IPO11: variants seen among roughly 807,000 people sequenced by gnomAD.
The protein encoded by IPO11 is importin 11.
A neutral mutation model predicts 143.2 loss-of-function variants in IPO11; 66 were observed. The ratio of observed to expected loss-of-function variants is 0.46; its 90% CI spans 0.38 to 0.57. The LOEUF (loss-of-function observed/expected upper bound fraction) is 0.57. Ranked by LOEUF, IPO11 falls within the 20% of genes least tolerant of loss-of-function variation. The pLI is 0.00. For missense variants in IPO11, 1,026 were observed against 1,141.0 expected, an observed-to-expected ratio of 0.90 and a Z score of 1.45; for synonymous variants, 385 against 377.8, an observed-to-expected ratio of 1.02 and a Z score of -0.22.
intron 2 of IPO11, among the ~76,000 whole-genome samples, chr5:62,442,521 C>T (rs1420225005): frequency 2.0e-5 from 3 of 151,986 alleles, no homozygotes; most frequent in Non-Finnish European, 2.9e-5. Flanking sequence ...TCATAAATAT[C>T]GATATGATAT....
rs530741653 is a variant in IPO11, at chr5:62,563,060, G to A, written c.2582+1803G>A. Among the ~76,000 whole-genome samples the A allele has an allele frequency of 2.0e-5, 3 of 152,306 alleles. No individual in the cohort carries two copies. The East Asian group carries it at 5.8e-4, about 29-fold the overall frequency. ...CTAGGAATGCCTCTTTTAACCACCA[G>A]GTGATATTGCTCCCCAGGTGGACAT... On this transcript the variant is annotated intron_variant, in intron 27 of 29. Coordinates refer to ENST00000325324, the MANE Select transcript of IPO11 (RefSeq NM_016338.5).
chr5:62,564,578 G>T (rs1349687747), intron 27 of IPO11, among the ~76,000 whole-genome samples: 10 of 152,066 alleles, frequency 6.6e-5, no homozygotes, highest in African/African-American at 2.4e-4. Context: ...TTTGGGTCCA[G>T]ATGATAATTT....
At chr5:62,543,808 C>A (rs1743047218) in intron 24 of IPO11, among the ~76,000 whole-genome samples, 1 of 152,064 alleles carries the variant, frequency 6.6e-6, no homozygotes, top group African/African-American at 2.4e-5. Flanking sequence ...TTCCTGCTTT[C>A]TCCTGTGGGC....
At chr5:62,509,408 A>T (rs996415477) in intron 19 of IPO11, among the ~76,000 whole-genome samples, 1 of 152,178 alleles carries the variant, frequency 6.6e-6, no homozygotes, top group Non-Finnish European at 1.5e-5. Flanking sequence ...GTTTTCAGTG[A>T]TATGAATTTA....
intron 5 of IPO11, among the ~76,000 whole-genome samples, chr5:62,455,562 C>T (rs1483594367): frequency 1.3e-5 from 2 of 152,088 alleles, no homozygotes; most frequent in Non-Finnish European, 2.9e-5. Context: ...GAGCTGGTTG[C>T]TATAGCAAAG....
intron 4 of IPO11, among the ~76,000 whole-genome samples, 164 bp downstream of exon 4, chr5:62,450,163 G>T (rs2112158778): frequency 6.6e-6 from 1 of 152,234 alleles, no homozygotes; most frequent in Non-Finnish European, 1.5e-5. Context: ...TTGTAGCGTT[G>T]AATAGTTTTG....
chr5:62,487,672 A>T, intron 12 of IPO11, 99 bp from the exon 13 acceptor site: 62 of 1,161,426 alleles, frequency 5.3e-5, no homozygotes, highest in Middle Eastern at 3.2e-4. Flanking sequence ...ACATTTTCAA[A>T]GTTTTAGAAT....
At chr5:62,522,286 G>A (rs1742226267) in intron 20 of IPO11, among the ~76,000 whole-genome samples, 1 of 147,696 alleles carries the variant, frequency 6.8e-6, no homozygotes, top group Non-Finnish European at 1.5e-5. Context: ...TGATTGTGGT[G>A]GGTTTTTTTT....
At chr5:62,478,697 T>C (rs891354840) in intron 9 of IPO11, among the ~76,000 whole-genome samples, 2 of 152,222 alleles carry the variant, frequency 1.3e-5, no homozygotes, top group Non-Finnish European at 2.9e-5. Context: ...TTCTGTACTT[T>C]TTCATGTTTT....
intron 27 of IPO11, chr5:62,580,835 T>G: frequency 6.4e-7 from 1 of 1,551,390 alleles, no homozygotes; most frequent in South Asian, 1.2e-5. Context: ...GCTGGTAGAT[T>G]TTTTCAAGAG....
At chr5:62,543,838 T>C (rs1172371535) in intron 24 of IPO11, among the ~76,000 whole-genome samples, 5 of 152,186 alleles carry the variant, frequency 3.3e-5, no homozygotes, top group Non-Finnish European at 5.9e-5. Flanking sequence ...TATAAATTTC[T>C]GTCTACACGC....
At chr5:62,491,798 T>C (rs1490839163) in intron 15 of IPO11, among the ~76,000 whole-genome samples, 1 of 151,866 alleles carries the variant, frequency 6.6e-6, no homozygotes, top group East Asian at 1.9e-4. Flanking sequence ...CCCCAGTAGC[T>C]GGGACTACAG....
At chr5:62,498,746 T>C (rs993914072) in intron 16 of IPO11, among the ~76,000 whole-genome samples, 1 of 152,178 alleles carries the variant, frequency 6.6e-6, no homozygotes, top group Non-Finnish European at 1.5e-5. Context: ...GGCGGGCACC[T>C]GTAGTCCCAG....
chr5:62,620,023 C>G (rs888468789), intron 29 of IPO11, among the ~76,000 whole-genome samples: 1 of 152,094 alleles, frequency 6.6e-6, no homozygotes, highest in South Asian at 2.1e-4. Flanking sequence ...TCTTGAAATC[C>G]GCAGTCTTTA....
At chr5:62,547,349 C>T (rs1207255431) in intron 24 of IPO11, among the ~76,000 whole-genome samples, 4 of 152,094 alleles carry the variant, frequency 2.6e-5, no homozygotes, top group Admixed American at 2.6e-4. Context: ...ACAGGCACCT[C>T]AAATTCGTCA....
At chr5:62,599,360 A>G (rs146566913) in intron 28 of IPO11, among the ~76,000 whole-genome samples, 2 of 152,362 alleles carry the variant, frequency 1.3e-5, no homozygotes, top group African/African-American at 4.8e-5. Flanking sequence ...GCAATTTTAA[A>G]GCATCCAAAT....
intron 1 of IPO11, among the ~76,000 whole-genome samples, chr5:62,425,699 G>C (rs1298137633): frequency 2.0e-5 from 3 of 152,208 alleles, no homozygotes. Flanking sequence ...GTTGATGTGG[G>C]AACTGGTATG....
chr5:62,424,835 TC>T (rs1743661362), intron 1 of IPO11, among the ~76,000 whole-genome samples: 1 of 152,174 alleles, frequency 6.6e-6, no homozygotes, highest in African/African-American at 2.4e-5. Flanking sequence ...CTGTTCTTGT[TC>T]CATGGTTTCT....
rs571731821 is a variant in IPO11 at position 62,491,667 on chromosome 5, T to A, written c.1463+1447T>A. On this transcript the variant is annotated intron_variant, in intron 15 of 29. Transcript: ENST00000325324. ...TGGGATATGTAAAAATATTAATAAG[T>A]TTTTTTTTTTTTTTTTGAGATGGAG... Among the ~76,000 whole-genome samples the A allele has an allele frequency of 2.4e-3, 307 of 129,644 alleles. 1 individual carries two copies. The highest frequency in any genetic ancestry group is 9.7e-3 in the African/African-American group (292 of 30,160). 85.1% of individuals were successfully genotyped at this position (129,644 alleles called of 152,430 possible).
Sources: gnomAD v4.1 joint callset for allele counts (sites outside exome capture counted in the v4.1 genomes callset) on GRCh38, gnomAD v4.1.1 for gene constraint, MANE v1.5 for transcripts, NCBI Gene and HGNC (gene_info 2026-07-23, HGNC 2026-07-21) for gene names.